The following MYRF variants were observed in gnomAD, a reference collection of about 807,000 sequenced individuals.
MYRF encodes the protein myelin regulatory factor, also known as myelin gene regulatory factor.
Under a neutral mutation model 126.3 loss-of-function variants are expected in MYRF, and 16 were observed. The observed-to-expected ratio is 0.13, with a 90% CI of 0.09 to 0.19. MYRF has a LOEUF of 0.19. Among genes scored for constraint, MYRF ranks in the 10% least tolerant of loss-of-function variants. MYRF has a pLI of 1.00. For missense variants in MYRF, 1,104 were observed against 1,547.0 expected, an observed-to-expected ratio of 0.71 and a Z score of 4.80; for synonymous variants, 608 against 635.3, an observed-to-expected ratio of 0.96 and a Z score of 0.65.
chr11:61,769,408 G>C lies in MYRF; in HGVS notation c.460+87G>C. ...ATCAGGGAGGTAGGGGAGGAGGGAG[G>C]GGGCCAGCGGCTGCCCAACGGGCTG... On this transcript the variant is annotated intron_variant, in intron 4 of 26. Transcript: ENST00000278836. The C allele has an allele frequency of 3.0e-6, 3 of 1,012,396 alleles. No homozygotes were observed. In the South Asian group the frequency reaches 4.1e-5, roughly 14 times the overall value. The allele number at this position is 1,012,396 out of a possible 1,614,324, so 62.7% of individuals were successfully genotyped here. A position where few individuals can be genotyped will look rare whatever the true frequency, so the allele number is the denominator to read the frequency against.
At position 61,765,730 on chromosome 11, in the gene MYRF, C is replaced by T. The variant is rs1197046788; in HGVS notation, c.134+18C>T. On this transcript the variant is annotated intron_variant, in intron 2 of 26. Coordinates refer to ENST00000278836, the MANE Select transcript of MYRF (RefSeq NM_001127392.3). ...TCCGACCTGTGAGTGGCCCCCTCGC[C>T]CGGCCTGCACCCGCCCAGCCCCAGC... The T allele has an allele frequency of 1.9e-6, 3 of 1,601,644 alleles. No individual in the cohort carries two copies. Among genetic ancestry groups the T allele is most frequent in the East Asian group, 4.5e-5 (2 of 44,450 alleles).
Position 61,778,436 on chromosome 11 carries a change from G to T in MYRF, c.1960G>T (p.Asp654Tyr), listed in dbSNP as rs755710939. The T allele has an allele frequency of 6.2e-7, 1 of 1,614,162 alleles. No homozygotes were observed. Among genetic ancestry groups the T allele is most frequent in the Non-Finnish European group, 8.5e-7 (1 of 1,180,014 alleles). The change falls in exon 14 of 27, where the codon GAC (aspartate) becomes TAC (tyrosine). Residue 654 changes from aspartate to tyrosine, a missense_variant. This residue lies in a region of MYRF where 123 missense variants were observed against 209.1 expected (regional missense o/e 0.59). Coordinates refer to ENST00000278836, the MANE Select transcript of MYRF (RefSeq NM_001127392.3). The surrounding 1 kb of genome is among the most constrained non-coding windows in gnomAD (Gnocchi z 4.6). ...ILPEAVKDTGDMVFANGKTIE... is the reference protein window; with the variant it reads ...ILPEAVKDTGYMVFANGKTIE... ...GCCTGAGGCTGTGAAAGACACCGGA[G>T]ACATGGTCTTTGCCAATGGGAAAAC... is the stretch of plus-strand genomic sequence containing the variant.
intron 1 of MYRF, among the ~76,000 whole-genome samples, chr11:61,764,840 G>A (rs1254468958): frequency 2.6e-5 from 4 of 152,248 alleles, no homozygotes. Context: ...GAGGGCGGCA[G>A]GCAGAGGAGT....
Position 61,783,702 on chromosome 11 carries a change from C to T in MYRF, c.3119+102C>T. ...TTGCCCTTTCAGGGAGGAGCCTCCCCCATAAGGAAGGGTAGCCCCTTTCCA... is the reference window on the plus strand; with the variant it reads ...TTGCCCTTTCAGGGAGGAGCCTCCCTCATAAGGAAGGGTAGCCCCTTTCCA... On this transcript the variant is annotated intron_variant, in intron 23 of 26. Transcript: ENST00000278836. This position sits in a 1 kb window ranked among gnomAD's most constrained non-coding sequence, Gnocchi z 4.6. 7.3e-7 allele frequency: 1 copy of T among 1,370,820 alleles called. No individual in the cohort carries two copies. Among genetic ancestry groups the T allele is most frequent in the South Asian group, 1.2e-5 (1 of 80,840 alleles). 84.9% of individuals were successfully genotyped at this position (1,370,820 alleles called of 1,614,324 possible).
intron 3 of MYRF, chr11:61,767,198 C>T: frequency 2.2e-6 from 1 of 456,762 alleles, no homozygotes; most frequent in Non-Finnish European, 4.4e-6. Flanking sequence ...TGAACCTTTG[C>T]TGCAGAAGGC....
At chr11:61,763,635 G>A (rs574920852) in intron 1 of MYRF, among the ~76,000 whole-genome samples, 7 of 152,268 alleles carry the variant, frequency 4.6e-5, no homozygotes, top group Admixed American at 2.6e-4. Context: ...AGGCTGAGGC[G>A]GGCAGATCAC....
rs909718113 is a variant in MYRF at position 61,783,772 on chromosome 11, T to C, written c.3120-79T>C. On this transcript the variant is annotated intron_variant, in intron 23 of 26. Coordinates refer to ENST00000278836, the MANE Select transcript of MYRF (RefSeq NM_001127392.3). This position sits in a 1 kb window ranked among gnomAD's most constrained non-coding sequence, Gnocchi z 4.6. ...CTCTTCTGGAGGGCTCCAGTACAGA[T>C]TGGGGGCTGAGGAGTCCCTGGTGGG... The C allele has an allele frequency of 2.2e-5, 32 of 1,454,300 alleles. No individual in the cohort carries two copies. Among genetic ancestry groups the C allele is most frequent in the African/African-American group, 1.1e-4 (8 of 71,600 alleles). The allele number at this position is 1,454,300 out of a possible 1,614,324, so 90.1% of individuals were successfully genotyped here.
chr11:61,753,975 C>T (rs2065676734), intron 1 of MYRF: 1 of 152,638 alleles, frequency 6.6e-6, no homozygotes, highest in South Asian at 2.1e-4. Context: ...TGCAGCGAGC[C>T]CAGCCCCTGC....
chr11:61,772,048 A>G (rs1019858247), intron 7 of MYRF, 96 bp downstream of exon 7: 1 of 1,514,820 alleles, frequency 6.6e-7, no homozygotes, highest in African/African-American at 1.4e-5. Flanking sequence ...AGGGCCTGGG[A>G]GCACTCATTT....
chr11:61,760,417 G>C (rs1359023933), intron 1 of MYRF, among the ~76,000 whole-genome samples: 8 of 152,176 alleles, frequency 5.3e-5, no homozygotes, highest in Admixed American at 5.2e-4. Flanking sequence ...GGCAGGCAGG[G>C]AGGCAGTCGC....
At chr11:61,771,384 C>A in intron 5 of MYRF, 116 bp from the exon 6 acceptor site, 1 of 1,407,714 alleles carries the variant, frequency 7.1e-7, no homozygotes, top group Non-Finnish European at 9.5e-7. Flanking sequence ...GAGGTGTCCT[C>A]TGGGCGGGGC....
Position 61,778,347 on chromosome 11 carries a change from C to G in MYRF, c.1904-33C>G, listed in dbSNP as rs768477560. ...GCTGTGAGTAGCCCTTTACCACCCC[C>G]CCACCCATCTTTGGCTTGTCCCCTG... On this transcript the variant is annotated intron_variant, in intron 13 of 26. Coordinates refer to ENST00000278836, the MANE Select transcript of MYRF (RefSeq NM_001127392.3). This position sits in a 1 kb window ranked among gnomAD's most constrained non-coding sequence, Gnocchi z 4.6. 1 of 1,426,882 alleles carries G rather than the reference C, an allele frequency of 7.0e-7. No homozygotes were observed. The highest frequency in any genetic ancestry group is 1.4e-5 in the African/African-American group (1 of 71,216). The allele number at this position is 1,426,882 out of a possible 1,614,324, so 88.4% of individuals were successfully genotyped here. A position where few individuals can be genotyped will look rare whatever the true frequency, so the allele number is the denominator to read the frequency against.
In MYRF at chr11:61,771,656, C is replaced by T. The variant is rs779832183; in HGVS notation, c.897C>T (p.Pro299=). The T allele has an allele frequency of 1.2e-6, 2 of 1,613,890 alleles. No individual in the cohort carries two copies. Among genetic ancestry groups the T allele is most frequent in the Non-Finnish European group, 1.7e-6 (2 of 1,179,982 alleles). The part of the protein sequence containing the change: ...PTRAPSPPWP[P]QGPLSPGPGS... ...GAGCCCCATCGCCACCCTGGCCTCC[C>T]CAGGGTCCGCTCTCCCCGGGCCCTG... is the stretch of plus-strand genomic sequence containing the variant. Residue 299 remains proline, a synonymous_variant, in exon 6 of 27, where the codon CCC becomes CCT. Transcript: ENST00000278836.
chr11:61,762,633 C>T (rs2065929846), intron 1 of MYRF, among the ~76,000 whole-genome samples: 1 of 152,182 alleles, frequency 6.6e-6, no homozygotes, highest in Admixed American at 6.5e-5. Flanking sequence ...CGGCAAGCCC[C>T]CACCCTTGTC....
intron 1 of MYRF, among the ~76,000 whole-genome samples, chr11:61,763,224 T>TGGTG (rs1392308801): frequency 6.6e-6 from 1 of 152,234 alleles, no homozygotes; most frequent in East Asian, 1.9e-4. Context: ...CCCCTGCACC[T>TGGTG]GGTTGGAATC....
rs569298019 is a variant in MYRF at position 61,783,054 on chromosome 11, G to A, written c.3017-444G>A. On this transcript the variant is annotated intron_variant, in intron 22 of 26. Coordinates refer to ENST00000278836, the MANE Select transcript of MYRF (RefSeq NM_001127392.3). This position sits in a 1 kb window ranked among gnomAD's most constrained non-coding sequence, Gnocchi z 4.6. Reference sequence around the variant, plus strand: ...CAGTCGGTTTGTTCAGGGAGGCTGCGAGGAGCAGCGTGCTGGTAGCGGTGT... The same window carrying A: ...CAGTCGGTTTGTTCAGGGAGGCTGCAAGGAGCAGCGTGCTGGTAGCGGTGT... 3 of 159,204 alleles carry A rather than the reference G, an allele frequency of 1.9e-5. No homozygotes were observed. Among genetic ancestry groups the A allele is most frequent in the African/African-American group, 7.2e-5 (3 of 41,768 alleles). The allele number at this position is 159,204 out of a possible 1,614,324, so 9.9% of individuals were successfully genotyped here.
intron 1 of MYRF, among the ~76,000 whole-genome samples, chr11:61,762,327 G>C (rs1023293147): frequency 6.6e-6 from 1 of 152,232 alleles, no homozygotes; most frequent in African/African-American, 2.4e-5. Flanking sequence ...TGAAGGGTTT[G>C]AGAAGGGAAG....
chr11:61,767,402 C>T (rs966267712), intron 3 of MYRF: 5 of 456,470 alleles, frequency 1.1e-5, no homozygotes, highest in East Asian at 1.4e-4. Context: ...CCACTGCTAC[C>T]GTCAGGATTT....
At chr11:61,753,471 C>G (rs2065662054) in intron 1 of MYRF, among the ~76,000 whole-genome samples, 1 of 152,096 alleles carries the variant, frequency 6.6e-6, no homozygotes, top group Admixed American at 6.5e-5. Flanking sequence ...CTAGCATGCT[C>G]TCCTGGGGCT....
Sources: allele counts gnomAD v4.1 joint callset (sites outside exome capture counted in the v4.1 genomes callset), GRCh38; gene constraint gnomAD v4.1.1; regional missense constraint gnomAD v4.1.1; non-coding constraint Gnocchi (gnomAD v3.1); transcripts MANE v1.5; gene names NCBI Gene and HGNC (gene_info 2026-07-23, HGNC 2026-07-21).